IKBKB: variants seen among roughly 807,000 people sequenced by gnomAD.
The protein encoded by IKBKB is inhibitor of nuclear factor kappa B kinase subunit beta.
IKBKB carries 42 observed loss-of-function variants against 113.6 expected under a neutral mutation model. That is an observed-to-expected ratio of 0.37 (90% confidence interval 0.29 to 0.48). The LOEUF (loss-of-function observed/expected upper bound fraction) is 0.48. Ranked by LOEUF, IKBKB falls within the 20% of genes least tolerant of loss-of-function variation. The pLI, the probability that IKBKB is intolerant of heterozygous loss-of-function variation, is 0.99. For synonymous variants in IKBKB, 296 were observed against 361.3 expected (o/e 0.82, Z 2.05); for missense variants, 673 against 939.7 (o/e 0.72, Z 3.71).
chr8:42,288,615 C>T lies in IKBKB; in HGVS notation c.106-19C>T. 1 of 1,596,328 alleles carries T rather than the reference C, an allele frequency of 6.3e-7. No homozygotes were observed. The highest frequency in any genetic ancestry group is 1.7e-5 in the Admixed American group (1 of 59,214). The stretch of plus-strand genomic sequence containing the variant: ...GCCTGCAGCTCGCTCTGCTGGTCCC[C>T]ACTGTGCTGTTTCTGTAGGAAACAG... On this transcript the variant is annotated intron_variant, in intron 2 of 21. Transcript: ENST00000520810.
intron 8 of IKBKB, among the ~76,000 whole-genome samples, chr8:42,313,571 G>C (rs1818131353): frequency 6.6e-6 from 1 of 152,170 alleles, no homozygotes; most frequent in African/African-American, 2.4e-5. Flanking sequence ...TGTGTGCGTA[G>C]GTTTTGCATA....
intron 9 of IKBKB, 70 bp downstream of exon 9, chr8:42,314,499 C>A (rs7814513): frequency 9.5e-7 from 1 of 1,051,812 alleles, no homozygotes; most frequent in East Asian, 2.4e-5. Flanking sequence ...TCTTGGCTGG[C>A]CGTGGTGGCT....
In IKBKB at chr8:42,320,755, G is replaced by A; in HGVS notation, c.1599G>A (p.Leu533=). ...ATTAGGAGAACGAAGTGAAACTCCTGGTAGAACGGATGATGGCTCTGCAGA... is the reference window on the plus strand; with the variant it reads ...ATTAGGAGAACGAAGTGAAACTCCTAGTAGAACGGATGATGGCTCTGCAGA... The part of the protein sequence containing the change: ...LCGRENEVKL[L]VERMMALQTD... The change falls in exon 16 of 22, where the codon CTG becomes CTA. Residue 533 remains leucine (L), a synonymous_variant. Coordinates refer to ENST00000520810, the MANE Select transcript of IKBKB (RefSeq NM_001556.3). 1 of 1,613,074 alleles carries A rather than the reference G, an allele frequency of 6.2e-7. No individual in the cohort carries two copies. Among genetic ancestry groups the A allele is most frequent in the African/African-American group, 1.3e-5 (1 of 74,996 alleles).
chr8:42,328,761 T>G (rs1821275765), intron 20 of IKBKB, among the ~76,000 whole-genome samples: 1 of 152,194 alleles, frequency 6.6e-6, no homozygotes, highest in Non-Finnish European at 1.5e-5. Context: ...GCCTTTTTTT[T>G]GTCTACTTCA....
chr8:42,279,523 G>A (rs1246275442), intron 2 of IKBKB, among the ~76,000 whole-genome samples: 3 of 152,174 alleles, frequency 2.0e-5, no homozygotes, highest in South Asian at 4.1e-4. Context: ...CCTGCTATGC[G>A]CCAGCATCAA....
chr8:42,272,358 T>C, intron 2 of IKBKB, 153 bp downstream of exon 2: 2 of 936,636 alleles, frequency 2.1e-6, no homozygotes. Context: ...GCTTCAGGAC[T>C]TCTGAGCTGA....
At chr8:42,320,518 G>A in intron 15 of IKBKB, 1 of 495,796 alleles carries the variant, frequency 2.0e-6, no homozygotes, top group Non-Finnish European at 3.6e-6. Flanking sequence ...AACTGTAGCT[G>A]GGGGTAAGTA....
rs1819628798 is a variant in IKBKB, at chr8:42,320,826, G to A, written c.1670G>A (p.Gly557Glu). The change falls in exon 16 of 22, where the codon GGG becomes GAG. Residue 557 changes from glycine (G) to glutamate (E), a missense_variant. Coordinates refer to ENST00000520810, the MANE Select transcript of IKBKB (RefSeq NM_001556.3). ...AGGAGCCCCATGGGCCGGAAGCAGG[G>A]GGGAACGCTGGACGACCTGTGAGTA... ...LQRSPMGRKQGGTLDDLEEQA... is the reference protein window; with the variant it reads ...LQRSPMGRKQEGTLDDLEEQA... The A allele has an allele frequency of 6.3e-7, 1 of 1,597,520 alleles. No individual in the cohort carries two copies. The highest frequency in any genetic ancestry group is 1.3e-5 in the African/African-American group (1 of 74,460).
intron 2 of IKBKB, among the ~76,000 whole-genome samples, chr8:42,278,576 T>C (rs1245053473): frequency 2.6e-5 from 4 of 152,062 alleles, no homozygotes; most frequent in African/African-American, 9.7e-5. Context: ...GATTCCTGAG[T>C]AGTTAACAAC....
At chr8:42,310,582 A>G (rs1395029953) in intron 8 of IKBKB, among the ~76,000 whole-genome samples, 3 of 152,186 alleles carry the variant, frequency 2.0e-5, no homozygotes, top group African/African-American at 7.2e-5. Flanking sequence ...CAACACAAAA[A>G]ATTATTATTT....
At chr8:42,325,202 A>T (rs1344718765) in intron 19 of IKBKB, 11 of 985,330 alleles carry the variant, frequency 1.1e-5, no homozygotes, top group Non-Finnish European at 1.3e-5. Flanking sequence ...GGTAGCTGGA[A>T]TGGGAACCCC....
intron 8 of IKBKB, among the ~76,000 whole-genome samples, chr8:42,310,677 T>C (rs577420587): frequency 1.3e-5 from 2 of 152,316 alleles, no homozygotes; most frequent in Admixed American, 6.5e-5. Flanking sequence ...TTGGAAAATA[T>C]GGAAACAGTA....
chr8:42,289,462 G>T (rs1476554557), intron 3 of IKBKB, among the ~76,000 whole-genome samples: 2 of 152,228 alleles, frequency 1.3e-5, no homozygotes, highest in Non-Finnish European at 2.9e-5. Flanking sequence ...AAGGTGGTAT[G>T]TGACCGTTCT....
chr8:42,327,323 T>C (rs1820931549), intron 20 of IKBKB, among the ~76,000 whole-genome samples: 1 of 110,704 alleles, frequency 9.0e-6, no homozygotes, highest in African/African-American at 2.7e-5. Flanking sequence ...ACTGTCTCTC[T>C]CTCTCTCTTT....
intron 4 of IKBKB, among the ~76,000 whole-genome samples, chr8:42,290,625 G>A (rs1812425947): frequency 6.6e-6 from 1 of 152,228 alleles, no homozygotes. Flanking sequence ...GGCCACGTTA[G>A]GCCTTTGGTG....
chr8:42,314,652 G>A (rs1185318338), intron 9 of IKBKB, among the ~76,000 whole-genome samples: 1 of 151,812 alleles, frequency 6.6e-6, no homozygotes, highest in African/African-American at 2.4e-5. Flanking sequence ...GCACGCACCT[G>A]TAATCCCAGC....
chr8:42,330,194 G>A (rs6474389), intron 21 of IKBKB: 940,271 of 985,286 alleles, frequency 0.95, 449,547 homozygotes, highest in East Asian at 0.99. Context: ...TGGTACTGAC[G>A]TCGACTTTCT....
intron 2 of IKBKB, among the ~76,000 whole-genome samples, chr8:42,276,140 T>A (rs1809046319): frequency 6.6e-6 from 1 of 152,206 alleles, no homozygotes; most frequent in African/African-American, 2.4e-5. Context: ...TGCGCTAGCC[T>A]TGTTTGTAGT....
At chr8:42,329,305 C>T (rs1821368659) in intron 21 of IKBKB, 91 bp downstream of exon 21, 2 of 1,451,406 alleles carry the variant, frequency 1.4e-6, no homozygotes, top group Non-Finnish European at 9.1e-7. Flanking sequence ...TGGCATTATC[C>T]TCAACCTCAG....
Sources: allele counts gnomAD v4.1 joint callset (sites outside exome capture counted in the v4.1 genomes callset), GRCh38; gene constraint gnomAD v4.1.1; transcripts MANE v1.5; gene names NCBI Gene and HGNC (gene_info 2026-07-23, HGNC 2026-07-21).